Variants in LAMA5 observed in about 807,000 individuals in gnomAD.
LAMA5 encodes the protein laminin subunit alpha-5.
Under a neutral mutation model 433.4 loss-of-function variants are expected in LAMA5, and 260 were observed. That is an observed-to-expected ratio of 0.60 (90% CI 0.54 to 0.66). The LOEUF (loss-of-function observed/expected upper bound fraction) is 0.66. Among genes scored for constraint, LAMA5 ranks in the 30% least tolerant of loss-of-function variants. The pLI is 0.00. For missense variants in LAMA5, 5,378 were observed against 5,258.5 expected (o/e 1.02, Z -0.70); for synonymous variants, 2,620 against 2,226.6 (o/e 1.18, Z -4.97).
At chr20:62,355,092 C>T (rs1168019863) in intron 2 of LAMA5, among the ~76,000 whole-genome samples, 1 of 152,220 alleles carries the variant, frequency 6.6e-6, no homozygotes, top group Non-Finnish European at 1.5e-5. Flanking sequence ...CAGCCCAACT[C>T]TTTGTGGGCG....
intron 45 of LAMA5, 42 bp downstream of exon 45, chr20:62,323,414 G>C: frequency 6.9e-7 from 1 of 1,452,988 alleles, no homozygotes; most frequent in Non-Finnish European, 9.2e-7. Context: ...TCCTCCCCGC[G>C]CAACCCTCCC....
At chr20:62,317,800 T>C in intron 53 of LAMA5, 22 bp from the exon 54 acceptor site, 4 of 1,459,046 alleles carry the variant, frequency 2.7e-6, no homozygotes, top group Non-Finnish European at 3.7e-6. Flanking sequence ...GCAGGGGAGT[T>C]GGGGACAATG....
At position 62,316,973 on chromosome 20, in the gene LAMA5, G is replaced by T. The variant is rs775960044; in HGVS notation, c.7562C>A (p.Ala2521Asp). The change falls in exon 56 of 80, where the codon GCC becomes GAC. Residue 2521 changes from alanine to aspartate, a missense_variant. Coordinates refer to ENST00000252999, the MANE Select transcript of LAMA5 (RefSeq NM_005560.6). ...QDRLTQRAIE[A>D]SNAYSRILQA... ...CAGGATGCGGCTGTAGGCGTTGGAG[G>T]CCTCGATGGCCCTCTGGGTGAGGCG... The T allele has an allele frequency of 6.4e-7, 1 of 1,563,324 alleles. No homozygotes were observed. Among genetic ancestry groups the T allele is most frequent in the East Asian group, 2.3e-5 (1 of 44,030 alleles).
At position 62,310,072 on chromosome 20, in the gene LAMA5, G is replaced by A. The variant is rs375718055; in HGVS notation, c.10744C>T (p.Arg3582Trp). ...LQVTEKQVLL[R>W]ADDGAGEFST... ...AACTCCCCTGCTCCGTCATCCGCCC[G>A]CAGCAGGACCTGGCGGGGTAGGAAG... Residue 3582 changes from arginine to tryptophan, a missense_variant, in exon 78 of 80, where the codon CGG becomes TGG. By Grantham distance (101) the Arg-to-Trp change is moderately radical. Transcript: ENST00000252999. 8.1e-5 allele frequency: 130 copies of A among 1,610,690 alleles called. 1 individual carries two copies. In the East Asian group the frequency reaches 1.7e-3, roughly 20 times the overall value.
At position 62,338,297 on chromosome 20, in the gene LAMA5, A is replaced by C. The variant is rs1300886902; in HGVS notation, c.1691T>G (p.Val564Gly). ...ATCACATGTGGCCCCCTCGAAGCCC[A>C]CTCGGCACCTGCACTGGCCTGTGTC... Reference protein sequence around the residue: ...DPDTGQCRCRVGFEGATCDRC... With the variant: ...DPDTGQCRCRGGFEGATCDRC... Residue 564 changes from valine to glycine, a missense_variant, in exon 13 of 80, where the codon GTG becomes GGG. Transcript: ENST00000252999. The C allele has an allele frequency of 6.2e-7, 1 of 1,604,174 alleles. No homozygotes were observed. The highest frequency in any genetic ancestry group is 8.5e-7 in the Non-Finnish European group (1 of 1,175,788).
In LAMA5 at chr20:62,346,948, T is replaced by A; in HGVS notation, c.1037A>T (p.Lys346Met). 6.2e-7 allele frequency: 1 copy of A among 1,612,836 alleles called. No homozygotes were observed. The highest frequency in any genetic ancestry group is 1.1e-5 in the South Asian group (1 of 91,074). The stretch of plus-strand genomic sequence containing the variant: ...GTTGGCACTGTTGGCAGTCGCAGGC[T>A]TCCACGGCTGCTGATTGAAGCCGGG... ...CCPGFNQQPW[K>M]PATANSANEC... The change falls in exon 7 of 80, where the codon AAG becomes ATG. Residue 346 changes from lysine (K) to methionine (M), a missense_variant. By Grantham distance (95) the Lys-to-Met change is moderately conservative. Transcript: ENST00000252999.
At position 62,313,375 on chromosome 20, in the gene LAMA5, A is replaced by C; in HGVS notation, c.8744T>G (p.Phe2915Cys). Residue 2915 changes from phenylalanine (F) to cysteine (C), a missense_variant, in exon 64 of 80, where the codon TTC becomes TGC. Phe to Cys is a radical substitution (Grantham distance 205). Coordinates refer to ENST00000252999, the MANE Select transcript of LAMA5 (RefSeq NM_005560.6). ...LNEEVVSLYN[F>C]ERTFQLDTAV... Reference sequence around the variant, plus strand: ...CGTGTCCAGCTGGAAGGTCCTCTCGAAGTTGTAGAGGCTGACCACCTCCTC... The same window carrying C: ...CGTGTCCAGCTGGAAGGTCCTCTCGCAGTTGTAGAGGCTGACCACCTCCTC... 1 of 1,595,614 alleles carries C rather than the reference A, an allele frequency of 6.3e-7. No homozygotes were observed. The highest frequency in any genetic ancestry group is 8.5e-7 in the Non-Finnish European group (1 of 1,171,942).
intron 57 of LAMA5, 83 bp from the exon 58 acceptor site, chr20:62,316,141 G>GGTC: frequency 5.5e-6 from 5 of 905,642 alleles, no homozygotes; most frequent in South Asian, 1.4e-5. Context: ...CTGACCCCAG[G>GGTC]AGGACCAAGG....
chr20:62,323,664 C>T lies in LAMA5; in HGVS notation c.5856G>A (p.Ala1952=), dbSNP rs146904037. 0.024 allele frequency: 38,900 copies of T among 1,606,930 alleles called. 549 individuals carry two copies. The highest frequency in any genetic ancestry group is 0.028 in the Non-Finnish European group (32,736 of 1,176,830). ...CCAGTGGGTTCCCAAAGAATCCGGG[C>T]GCACACCTGGGAGCAGGGTGGGGAG... The part of the protein sequence containing the change: ...GYAGASCERC[A]PGFFGNPLVL... Residue 1952 remains alanine, a synonymous_variant, in exon 45 of 80, where the codon GCG becomes GCA. Coordinates refer to ENST00000252999, the MANE Select transcript of LAMA5 (RefSeq NM_005560.6).
rs201916303 is a variant in LAMA5, at chr20:62,330,448, G to A, written c.3979+40C>T. On this transcript the variant is annotated intron_variant, in intron 31 of 79. Transcript: ENST00000252999. Reference sequence around the variant, plus strand: ...GTGGCGCCGGCATTCCAGCCTCATCGTGTGTGGTAGCCTCTCCACCCCCCA... The same window carrying A: ...GTGGCGCCGGCATTCCAGCCTCATCATGTGTGGTAGCCTCTCCACCCCCCA... 1.4e-4 allele frequency: 204 copies of A among 1,490,434 alleles called. No individual in the cohort carries two copies. In the African/African-American group the frequency reaches 2.3e-3, roughly 17 times the overall value. The allele number at this position is 1,490,434 out of a possible 1,614,324, so 92.3% of individuals were successfully genotyped here.
chr20:62,354,327 TTCCCTCCCTCCCTCCCTCCC>T (rs35449507), intron 2 of LAMA5, among the ~76,000 whole-genome samples: 2 of 109,734 alleles, frequency 1.8e-5, no homozygotes, highest in Admixed American at 9.4e-5. Flanking sequence ...CAGCCTGGGC[TTCCCTCCCTCCCTCCCTCCC>T]TCCCTCCCTA....
intron 34 of LAMA5, 28 bp from the exon 35 acceptor site, chr20:62,328,473 C>T (rs953918481): frequency 1.5e-5 from 22 of 1,461,644 alleles, no homozygotes; most frequent in South Asian, 2.8e-5. Flanking sequence ...GGTTTACTGA[C>T]CCCTCTTCCC....
intron 36 of LAMA5, 21 bp from the exon 37 acceptor site, chr20:62,327,690 A>G: frequency 6.2e-7 from 1 of 1,607,718 alleles, no homozygotes; most frequent in Non-Finnish European, 8.5e-7. Context: ...GAGGACAGTG[A>G]GAGTGGTCGG....
rs139559822 is a variant in LAMA5, at chr20:62,324,136, G to C, written c.5712C>G (p.Asp1904Glu). 189 of 1,546,524 alleles carry C rather than the reference G, an allele frequency of 1.2e-4. 1 individual carries two copies. In the African/African-American group the frequency reaches 2.4e-3, roughly 19 times the overall value. Residue 1904 changes from aspartate to glutamate, a missense_variant, in exon 43 of 80, where the codon GAC becomes GAG. Coordinates refer to ENST00000252999, the MANE Select transcript of LAMA5 (RefSeq NM_005560.6). The surrounding 1 kb of genome is among the most constrained non-coding windows in gnomAD (Gnocchi z 4.4). ...RCQAGFVSSRDDPSAPCVSCP... is the reference protein window; with the variant it reads ...RCQAGFVSSREDPSAPCVSCP... ...AGCTGACACAGGGGGCGCTGGGGTC[G>C]TCCCTGCTGCTCACGAAGCCAGCCT...
In LAMA5 at chr20:62,311,639, A is replaced by T; in HGVS notation, c.9781T>A (p.Cys3261Ser). 1 of 1,603,228 alleles carries T rather than the reference A, an allele frequency of 6.2e-7. No homozygotes were observed. Among genetic ancestry groups the T allele is most frequent in the Middle Eastern group, 1.7e-4 (1 of 5,982 alleles). Reference protein sequence around the residue: ...ESGTIYNFSGCISNVFVQRLL... With the variant: ...ESGTIYNFSGSISNVFVQRLL... ...CGCTGCACGAAGACGTTGCTGATGC[A>T]GCCACTGAAGTTGTAAATGGTGCCA... Residue 3261 changes from cysteine (C) to serine (S), a missense_variant, in exon 71 of 80, where the codon TGC (cysteine) becomes AGC (serine). Physicochemically the swap from Cys to Ser is moderately radical, Grantham distance 112. Transcript: ENST00000252999.
In LAMA5 at chr20:62,324,535, T is replaced by C. The variant is rs368216891; in HGVS notation, c.5549A>G (p.Tyr1850Cys). Residue 1850 changes from tyrosine (Y) to cysteine (C), a missense_variant, in exon 42 of 80, where the codon TAT (tyrosine) becomes TGT (cysteine). By Grantham distance (194) the Tyr-to-Cys change is radical. Coordinates refer to ENST00000252999, the MANE Select transcript of LAMA5 (RefSeq NM_005560.6). The surrounding 1 kb of genome is among the most constrained non-coding windows in gnomAD (Gnocchi z 4.4). ...DSCQECAPGF[Y>C]RDVKGLFLGR... ...CAGGAAGAGACCTTTGACGTCCCGA[T>C]AGAAGCCGGGGGCACATTCCTGAGG... 6 of 1,611,592 alleles carry C rather than the reference T, an allele frequency of 3.7e-6. No individual in the cohort carries two copies. Among genetic ancestry groups the C allele is most frequent in the African/African-American group, 1.3e-5 (1 of 74,872 alleles).
rs1307747408 is a variant in LAMA5, at chr20:62,332,861, G to A, written c.3283-144C>T. 6.2e-6 allele frequency: 7 copies of A among 1,125,002 alleles called. No homozygotes were observed. The African/African-American group carries it at 1.1e-4, about 18-fold the overall frequency. The allele number at this position is 1,125,002 out of a possible 1,614,324, so 69.7% of individuals were successfully genotyped here. On this transcript the variant is annotated intron_variant, in intron 26 of 79. Coordinates refer to ENST00000252999, the MANE Select transcript of LAMA5 (RefSeq NM_005560.6). Reference sequence around the variant, plus strand: ...GCCCGGACATCTCCAGGCAAGTGGTGGGGGCTGAGCTGTATGTGGAGGCCA... The same window carrying A: ...GCCCGGACATCTCCAGGCAAGTGGTAGGGGCTGAGCTGTATGTGGAGGCCA...
At chr20:62,349,544 A>T (rs1215214409) in intron 6 of LAMA5, among the ~76,000 whole-genome samples, 1 of 147,712 alleles carries the variant, frequency 6.8e-6, no homozygotes, top group African/African-American at 2.5e-5. Flanking sequence ...ATCATTCAAG[A>T]GGGAGGACAA....
At chr20:62,330,420 G>T in intron 31 of LAMA5, 68 bp downstream of exon 31, 1 of 1,461,400 alleles carries the variant, frequency 6.8e-7, no homozygotes, top group Admixed American at 2.6e-5. Context: ...CACAGGCCAC[G>T]CTGTGGCGCC....
Sources: allele counts gnomAD v4.1 joint callset (sites outside exome capture counted in the v4.1 genomes callset), GRCh38; gene constraint gnomAD v4.1.1; non-coding constraint Gnocchi (gnomAD v3.1); transcripts MANE v1.5; gene names NCBI Gene and HGNC (gene_info 2026-07-23, HGNC 2026-07-21).